IL6ST: variants seen among roughly 807,000 people sequenced by gnomAD.
IL6ST encodes interleukin-6 receptor subunit beta.
In IL6ST, 24 loss-of-function variants were observed where a neutral mutation model predicts 91.3. That is an observed-to-expected ratio of 0.26 (90% CI 0.19 to 0.37). The LOEUF (loss-of-function observed/expected upper bound fraction) is 0.37. Ranked by LOEUF, IL6ST falls within the 10% of genes least tolerant of loss-of-function variation. The pLI, the probability that IL6ST is intolerant of heterozygous loss-of-function variation, is 1.00. For synonymous variants in IL6ST, 351 were observed against 373.6 expected (o/e 0.94, Z 0.70); for missense variants, 914 against 1,078.5 (o/e 0.85, Z 2.14).
chr5:55,974,410 T>C (rs879113365), intron 3 of IL6ST, among the ~76,000 whole-genome samples: 1 of 151,884 alleles, frequency 6.6e-6, no homozygotes, highest in East Asian at 1.9e-4. Flanking sequence ...ACCGCAACCT[T>C]TGCCTCCCGG....
At chr5:55,983,423 T>A (rs1753778369) in intron 1 of IL6ST, among the ~76,000 whole-genome samples, 1 of 152,246 alleles carries the variant, frequency 6.6e-6, no homozygotes, top group African/African-American at 2.4e-5. Context: ...AACAATCACA[T>A]ATTTCTTCTT....
chr5:55,967,710 A>G (rs1031941516), intron 5 of IL6ST, among the ~76,000 whole-genome samples: 10 of 152,108 alleles, frequency 6.6e-5, no homozygotes, highest in Admixed American at 2.6e-4. Flanking sequence ...AGTACCTTTG[A>G]AATAAGACTG....
intron 5 of IL6ST, among the ~76,000 whole-genome samples, chr5:55,967,207 G>C (rs890506372): frequency 6.0e-5 from 9 of 149,690 alleles, no homozygotes; most frequent in Non-Finnish European, 1.0e-4. Context: ...CTACTCAGGA[G>C]GCTGAGGCAG....
intron 2 of IL6ST, among the ~76,000 whole-genome samples, chr5:55,982,277 T>C (rs1159241035): frequency 6.6e-6 from 1 of 152,148 alleles, no homozygotes; most frequent in Non-Finnish European, 1.5e-5. Flanking sequence ...TGAAAAAGAA[T>C]GTCAATATAA....
chr5:55,965,841 G>A (rs7732862), intron 5 of IL6ST, among the ~76,000 whole-genome samples: 3,648 of 147,568 alleles, frequency 0.025, 171 homozygotes, highest in African/African-American at 0.086. Context: ...AAGGATGAAT[G>A]AGCCAATTTG....
chr5:55,979,727 C>T (rs899578577), intron 2 of IL6ST, among the ~76,000 whole-genome samples: 2 of 152,174 alleles, frequency 1.3e-5, no homozygotes, highest in African/African-American at 4.8e-5. Flanking sequence ...AGGCAGAGAG[C>T]CAGTTCGGCA....
intron 8 of IL6ST, among the ~76,000 whole-genome samples, chr5:55,957,964 A>C (rs1422148901): frequency 1.3e-5 from 2 of 152,246 alleles, no homozygotes; most frequent in African/African-American, 4.8e-5. Context: ...ATTCACAAGA[A>C]TAATAAAACA....
chr5:55,986,325 A>G (rs1753968725), intron 1 of IL6ST, among the ~76,000 whole-genome samples: 2 of 152,242 alleles, frequency 1.3e-5, no homozygotes, highest in South Asian at 4.1e-4. Context: ...TTTTATCATT[A>G]GGAAATGCCC....
chr5:55,989,326 A>C (rs1191387091), intron 1 of IL6ST, among the ~76,000 whole-genome samples: 1 of 152,150 alleles, frequency 6.6e-6, no homozygotes, highest in Non-Finnish European at 1.5e-5. Flanking sequence ...AGGACTATTC[A>C]ATAAATAGTA....
rs562539012 is a variant in IL6ST, at chr5:55,935,752, T to C, written c.*5330A>G. 11 of 217,260 alleles carry C rather than the reference T, an allele frequency of 5.1e-5. No homozygotes were observed. In the South Asian group the frequency reaches 1.9e-3, roughly 37 times the overall value. The allele number at this position is 217,260 out of a possible 1,614,324, so 13.5% of individuals were successfully genotyped here. A position where few individuals can be genotyped will look rare whatever the true frequency, so the allele number is the denominator to read the frequency against. The stretch of plus-strand genomic sequence containing the variant: ...TATTTTGAAAGTGTAGAAGTTTGTA[T>C]TAATTTAAAAAGAAAAAGCTTAAAT... On this transcript the variant is annotated 3_prime_UTR_variant, in exon 17 of 17. Transcript: ENST00000381298.
At chr5:55,949,507 C>G (rs375816314) in intron 14 of IL6ST, among the ~76,000 whole-genome samples, 1 of 151,908 alleles carries the variant, frequency 6.6e-6, no homozygotes, top group East Asian at 1.9e-4. Context: ...TACATATGGG[C>G]TTTTATGTGT....
rs1199549657 is a variant in IL6ST at position 55,959,708 on chromosome 5, G to A, written c.973+694C>T. The A allele has an allele frequency of 6.4e-6, 7 of 1,096,048 alleles. No individual in the cohort carries two copies. In the East Asian group the frequency reaches 3.7e-4, roughly 59 times the overall value. The allele number at this position is 1,096,048 out of a possible 1,614,324, so 67.9% of individuals were successfully genotyped here. On this transcript the variant is annotated intron_variant, in intron 8 of 16. Transcript: ENST00000381298. ...AAAATGAATAAAAGGTATAATACAA[G>A]TATATTTTTGATAGTGGGGATCTAA...
At chr5:55,951,213 C>A (rs1751610606) in intron 14 of IL6ST, among the ~76,000 whole-genome samples, 1 of 152,034 alleles carries the variant, frequency 6.6e-6, no homozygotes, top group Non-Finnish European at 1.5e-5. Context: ...AAAAAATGAA[C>A]CCACATGGAA....
At chr5:55,991,186 G>C (rs933082882) in intron 1 of IL6ST, among the ~76,000 whole-genome samples, 1 of 152,098 alleles carries the variant, frequency 6.6e-6, no homozygotes, top group Admixed American at 6.6e-5. Context: ...TGTGAATAGT[G>C]CTGCAATAAA....
intron 5 of IL6ST, among the ~76,000 whole-genome samples, chr5:55,965,569 T>C (rs1018418159): frequency 6.6e-6 from 1 of 152,164 alleles, no homozygotes; most frequent in Non-Finnish European, 1.5e-5. Flanking sequence ...GTAAATATTA[T>C]TTCACACTAA....
At chr5:55,987,455 A>G (rs1439673555) in intron 1 of IL6ST, among the ~76,000 whole-genome samples, 2 of 152,248 alleles carry the variant, frequency 1.3e-5, no homozygotes, top group Admixed American at 6.5e-5. Flanking sequence ...AAAGCATCTG[A>G]TAACATTCAA....
At chr5:55,950,133 C>A in intron 14 of IL6ST, 1 of 462,526 alleles carries the variant, frequency 2.2e-6, no homozygotes, top group Non-Finnish European at 4.3e-6. Context: ...TTATTGTAAT[C>A]ACATTTAAAT....
chr5:55,982,026 T>G (rs1753704043), intron 2 of IL6ST, among the ~76,000 whole-genome samples: 1 of 149,044 alleles, frequency 6.7e-6, no homozygotes, highest in Non-Finnish European at 1.5e-5. Flanking sequence ...TCATAAATGA[T>G]TTATTTAAAA....
At chr5:55,958,112 T>C (rs969923515) in intron 8 of IL6ST, among the ~76,000 whole-genome samples, 10 of 152,226 alleles carry the variant, frequency 6.6e-5, no homozygotes, top group South Asian at 6.2e-4. Context: ...TAAAACATAG[T>C]GGTTTTTTTC....
Sources: gnomAD v4.1 joint callset for allele counts (sites outside exome capture counted in the v4.1 genomes callset) on GRCh38, gnomAD v4.1.1 for gene constraint, MANE v1.5 for transcripts, NCBI Gene and HGNC (gene_info 2026-07-23, HGNC 2026-07-21) for gene names.